NRG1: variants seen among roughly 807,000 people sequenced by gnomAD.
NRG1 encodes neuregulin 1, also known as pro-neuregulin-1, membrane-bound isoform.
A neutral mutation model predicts 63.8 loss-of-function variants in NRG1; 18 were observed. The observed-to-expected ratio is 0.28, with a 90% CI of 0.19 to 0.42. The LOEUF (loss-of-function observed/expected upper bound fraction) is 0.42, where lower values mean the gene tolerates loss of function less well. Among genes scored for constraint, NRG1 ranks in the 10% least tolerant of loss-of-function variants. NRG1 has a pLI of 1.00. For missense variants in NRG1, 762 were observed against 814.7 expected (o/e 0.94, Z 0.79); for synonymous variants, 302 against 301.3 (o/e 1.00, Z -0.02).
At chr8:32,101,803 T>A (rs1003519730) in intron 1 of NRG1, among the ~76,000 whole-genome samples, 1 of 152,200 alleles carries the variant, frequency 6.6e-6, no homozygotes, top group Non-Finnish European at 1.5e-5. Context: ...AATGCCCTAT[T>A]GTGCATCTTT....
chr8:32,323,603 A>G (rs1488681609), intron 1 of NRG1, among the ~76,000 whole-genome samples: 1 of 152,270 alleles, frequency 6.6e-6, no homozygotes, highest in Non-Finnish European at 1.5e-5. Context: ...ACGTTGAGTC[A>G]TAGGTTATCA....
chr8:32,196,940 A>ATTTTTT (rs1458233142), intron 1 of NRG1, among the ~76,000 whole-genome samples: 1 of 33,984 alleles, frequency 2.9e-5, no homozygotes, highest in Admixed American at 5.2e-4. Context: ...TTCTCAGAAC[A>ATTTTTT]TTCTTTTTTT....
At chr8:31,909,762 A>G (rs1832791263) in intron 1 of NRG1, among the ~76,000 whole-genome samples, 1 of 152,124 alleles carries the variant, frequency 6.6e-6, no homozygotes, top group Non-Finnish European at 1.5e-5. Flanking sequence ...TTTCAAAAGA[A>G]TGTTTCCTAT....
intron 5 of NRG1, among the ~76,000 whole-genome samples, chr8:32,676,102 GC>G (rs1276725109): frequency 6.6e-6 from 1 of 152,164 alleles, no homozygotes. Context: ...GATGAGTGTT[GC>G]CATGGAGGTC....
chr8:32,511,888 A>G (rs1829265822), intron 1 of NRG1, among the ~76,000 whole-genome samples: 1 of 152,202 alleles, frequency 6.6e-6, no homozygotes, highest in Non-Finnish European at 1.5e-5. Context: ...GCTGTGATGC[A>G]CGGCCACTGG....
At chr8:31,738,274 G>C (rs1217187024) in intron 1 of NRG1, among the ~76,000 whole-genome samples, 1 of 152,086 alleles carries the variant, frequency 6.6e-6, no homozygotes, top group African/African-American at 2.4e-5. Context: ...GAGAACAGGA[G>C]GTTGGTACTG....
exon 11 of NRG1, chr8:32,760,312 C>G: frequency 6.2e-7 from 1 of 1,614,086 alleles, no homozygotes; most frequent in African/African-American, 1.3e-5. Context: ...AAGAGGACGT[C>G]TTAATGGCAC....
chr8:32,677,715 T>A (rs978024179), intron 5 of NRG1, among the ~76,000 whole-genome samples: 4 of 152,058 alleles, frequency 2.6e-5, no homozygotes, highest in African/African-American at 7.2e-5. Context: ...TTCTAAAATT[T>A]CTCCCAGATA....
At chr8:31,764,970 A>G (rs1038919146) in intron 1 of NRG1, among the ~76,000 whole-genome samples, 1 of 141,212 alleles carries the variant, frequency 7.1e-6, no homozygotes, top group South Asian at 2.2e-4. Flanking sequence ...ATTCCCACCT[A>G]TGAGTGAGAA....
At chr8:31,893,010 A>G (rs776369) in intron 1 of NRG1, among the ~76,000 whole-genome samples, 79,258 of 151,534 alleles carry the variant, frequency 0.52, 21,444 homozygotes, top group East Asian at 0.75. Flanking sequence ...ATATTACTTA[A>G]ATGAGCTTTA....
chr8:32,418,381 A>G (rs186371258), intron 1 of NRG1, among the ~76,000 whole-genome samples: 1 of 148,390 alleles, frequency 6.7e-6, no homozygotes, highest in Non-Finnish European at 1.5e-5. Flanking sequence ...TCTTTAATAT[A>G]TTTAATAATA....
chr8:31,976,659 ATGGGTGTGTGTGTGTGTGTG>A (rs1263017540), intron 1 of NRG1, among the ~76,000 whole-genome samples: 2 of 119,772 alleles, frequency 1.7e-5, no homozygotes, highest in Non-Finnish European at 3.5e-5. Context: ...AGGATCTGCC[ATGGGTGTGTGTGTGTGTGTG>A]TGTGTGTGTG....
At chr8:32,385,117 G>T (rs1168544410) in intron 1 of NRG1, among the ~76,000 whole-genome samples, 4 of 152,060 alleles carry the variant, frequency 2.6e-5, no homozygotes, top group African/African-American at 4.8e-5. Flanking sequence ...CCTCCCAGGT[G>T]CATGCCATTC....
intron 1 of NRG1, among the ~76,000 whole-genome samples, chr8:32,453,526 GT>G (rs919013891): frequency 5.9e-5 from 9 of 152,128 alleles, no homozygotes; most frequent in African/African-American, 1.7e-4. Context: ...GCAAATGCAA[GT>G]TTAGCTTTTC....
intron 1 of NRG1, among the ~76,000 whole-genome samples, chr8:31,728,401 T>C (rs186368487): frequency 3.6e-3 from 550 of 152,232 alleles, no homozygotes; most frequent in Non-Finnish European, 6.6e-3. Flanking sequence ...GAGGCAGAGG[T>C]TGCAGTGAGC....
chr8:32,415,423 C>CA (rs5890648), intron 1 of NRG1, among the ~76,000 whole-genome samples: 5,498 of 137,460 alleles, frequency 0.04, 303 homozygotes, highest in African/African-American at 0.13. Context: ...AAAGAGTTTG[C>CA]AAAAAAAAAA....
At chr8:32,159,722 AT>A (rs1838617248) in intron 1 of NRG1, among the ~76,000 whole-genome samples, 1 of 152,156 alleles carries the variant, frequency 6.6e-6, no homozygotes, top group Non-Finnish European at 1.5e-5. Flanking sequence ...AAAGGCTTAC[AT>A]TATTATAATG....
intron 1 of NRG1, among the ~76,000 whole-genome samples, chr8:32,381,328 T>A (rs11996959): frequency 0.011 from 1,678 of 152,264 alleles, 33 homozygotes; most frequent in African/African-American, 0.038. Flanking sequence ...GCCCCTAAAG[T>A]AGCCCCACAG....
At chr8:32,514,694 T>A (rs888675715) in intron 1 of NRG1, among the ~76,000 whole-genome samples, 3 of 152,136 alleles carry the variant, frequency 2.0e-5, no homozygotes, top group East Asian at 1.9e-4. Context: ...GTATTTTGGG[T>A]CAGGTGGATT....
Sources: gnomAD v4.1 joint callset for allele counts (sites outside exome capture counted in the v4.1 genomes callset) on GRCh38, gnomAD v4.1.1 for gene constraint, MANE v1.5 for transcripts, NCBI Gene and HGNC (gene_info 2026-07-23, HGNC 2026-07-21) for gene names.